MVB12B: variants seen among roughly 807,000 people sequenced by gnomAD.
MVB12B encodes the protein ESCRT-I complex subunit MVB12B.
MVB12B carries 16 observed loss-of-function variants against 41.6 expected under a neutral mutation model. The ratio of observed to expected loss-of-function variants is 0.38; its 90% confidence interval spans 0.26 to 0.58. The LOEUF is 0.58. MVB12B is among the 20% of genes least tolerant of loss of function. MVB12B has a pLI of 0.62. For synonymous variants in MVB12B, 133 were observed against 139.7 expected (o/e 0.95, Z 0.34); for missense variants, 274 against 380.2 (o/e 0.72, Z 2.32).
chr9:126,450,131 G>A (rs1021079080), intron 7 of MVB12B, among the ~76,000 whole-genome samples: 6 of 152,210 alleles, frequency 3.9e-5, no homozygotes, highest in African/African-American at 9.7e-5. Flanking sequence ...GTCTGGTCTC[G>A]CCTATGCCCA....
intron 2 of MVB12B, among the ~76,000 whole-genome samples, chr9:126,374,874 T>G (rs1830437077): frequency 6.6e-6 from 1 of 152,242 alleles, no homozygotes. Context: ...CCCAGCTCTC[T>G]TTCAAAGTTA....
chr9:126,340,418 C>T lies in MVB12B; in HGVS notation c.82-90C>T, dbSNP rs1321882861. 7.4e-6 allele frequency: 11 copies of T among 1,487,994 alleles called. No individual in the cohort carries two copies. Among genetic ancestry groups the T allele is most frequent in the East Asian group, 2.3e-5 (1 of 42,956 alleles). The allele number at this position is 1,487,994 out of a possible 1,614,324, so 92.2% of individuals were successfully genotyped here. On this transcript the variant is annotated intron_variant, in intron 1 of 9. Transcript: ENST00000361171. The surrounding 1 kb of genome is among the most constrained non-coding windows in gnomAD (Gnocchi z 4.0). ...GGTATGTGAAACTCAGGGTATTTGCCCCAAGATTCTGGTTCTGTTTGAGAC... is the reference window on the plus strand; with the variant it reads ...GGTATGTGAAACTCAGGGTATTTGCTCCAAGATTCTGGTTCTGTTTGAGAC...
intron 9 of MVB12B, among the ~76,000 whole-genome samples, chr9:126,496,865 C>T (rs368780835): frequency 9.9e-5 from 15 of 152,016 alleles, no homozygotes; most frequent in Admixed American, 7.2e-4. Context: ...AAGGTGAGGG[C>T]GCTCTCCAGG....
intron 7 of MVB12B, among the ~76,000 whole-genome samples, chr9:126,451,609 C>T (rs111509026): frequency 1.3e-4 from 20 of 152,170 alleles, no homozygotes; most frequent in East Asian, 9.7e-4. Flanking sequence ...TCAAACCCAC[C>T]GGGACAGGGG....
chr9:126,424,027 A>T (rs931898075), intron 7 of MVB12B, among the ~76,000 whole-genome samples: 2 of 152,202 alleles, frequency 1.3e-5, no homozygotes, highest in African/African-American at 2.4e-5. Context: ...TGGCCCTGGC[A>T]CAGGTTCACT....
intron 2 of MVB12B, among the ~76,000 whole-genome samples, chr9:126,380,560 A>G (rs1263849161): frequency 6.6e-6 from 1 of 152,020 alleles, no homozygotes; most frequent in African/African-American, 2.4e-5. Flanking sequence ...GTGGAGTGAA[A>G]TGTTTCTGAC....
chr9:126,385,028 G>A (rs903045145), intron 3 of MVB12B, among the ~76,000 whole-genome samples: 6 of 151,582 alleles, frequency 4.0e-5, no homozygotes, highest in Non-Finnish European at 1.5e-5. Context: ...GTAGAGATGG[G>A]GTTTCGCCAT....
At chr9:126,489,309 C>G (rs1833683329) in intron 9 of MVB12B, among the ~76,000 whole-genome samples, 1 of 152,226 alleles carries the variant, frequency 6.6e-6, no homozygotes, top group Non-Finnish European at 1.5e-5. Context: ...CCCCCTCACC[C>G]CAAAGTGGAA....
intron 7 of MVB12B, among the ~76,000 whole-genome samples, chr9:126,463,538 C>T (rs1371297743): frequency 6.6e-6 from 1 of 152,220 alleles, no homozygotes; most frequent in Non-Finnish European, 1.5e-5. Context: ...TGCCGACACT[C>T]TGTGGCAGGT....
chr9:126,504,024 A>C lies in MVB12B; in HGVS notation c.*761A>C, dbSNP rs1178462735. ...TCCCCCAAGGGCTCATCTGTGCAACAACCACATGCCAACAATAGCTCCAGG... is the reference window on the plus strand; with the variant it reads ...TCCCCCAAGGGCTCATCTGTGCAACCACCACATGCCAACAATAGCTCCAGG... On this transcript the variant is annotated 3_prime_UTR_variant, in exon 10 of 10. Transcript: ENST00000361171. 2.6e-5 allele frequency: 4 copies of C among 152,432 alleles called. No individual in the cohort carries two copies. The highest frequency in any genetic ancestry group is 9.7e-5 in the African/African-American group (4 of 41,442). 9.4% of individuals were successfully genotyped at this position (152,432 alleles called of 1,614,324 possible).
At chr9:126,472,739 G>A (rs920066885) in intron 7 of MVB12B, among the ~76,000 whole-genome samples, 2 of 152,132 alleles carry the variant, frequency 1.3e-5, no homozygotes, top group African/African-American at 4.8e-5. Flanking sequence ...TGGGATTACA[G>A]CATTAATAAC....
chr9:126,447,730 G>GAT (rs1832808794), intron 7 of MVB12B, among the ~76,000 whole-genome samples: 1 of 152,096 alleles, frequency 6.6e-6, no homozygotes, highest in Non-Finnish European at 1.5e-5. Context: ...CCCCCATATA[G>GAT]ATATATACAT....
At chr9:126,398,485 T>A (rs1831180912) in intron 6 of MVB12B, among the ~76,000 whole-genome samples, 1 of 152,200 alleles carries the variant, frequency 6.6e-6, no homozygotes, top group Non-Finnish European at 1.5e-5. Flanking sequence ...TTTTGTTATA[T>A]TTCCCTCAAG....
At chr9:126,491,998 T>C (rs1458398256) in intron 9 of MVB12B, among the ~76,000 whole-genome samples, 1 of 151,912 alleles carries the variant, frequency 6.6e-6, no homozygotes, top group Non-Finnish European at 1.5e-5. Flanking sequence ...CCGATCAAAA[T>C]TGATTTTTTA....
At chr9:126,414,737 T>G (rs1330028279) in intron 6 of MVB12B, among the ~76,000 whole-genome samples, 1 of 152,060 alleles carries the variant, frequency 6.6e-6, no homozygotes, top group Non-Finnish European at 1.5e-5. Flanking sequence ...TACAGAGTGG[T>G]CAACTTCGGG....
At position 126,478,592 on chromosome 9, in the gene MVB12B, G is replaced by T. The variant is rs1833465102; in HGVS notation, c.758-2777G>T. On this transcript the variant is annotated intron_variant, in intron 7 of 9. Coordinates refer to ENST00000361171, the MANE Select transcript of MVB12B (RefSeq NM_033446.3). The surrounding 1 kb of genome is among the most constrained non-coding windows in gnomAD (Gnocchi z 4.2). Reference sequence around the variant, plus strand: ...AAGCATAGAGGGAGGGAAGGGATGGGTAAGCCGGGAAGAGGGTCAGGTGCA... The same window carrying T: ...AAGCATAGAGGGAGGGAAGGGATGGTTAAGCCGGGAAGAGGGTCAGGTGCA... Among the ~76,000 whole-genome samples, 1 of 152,204 alleles carries T rather than the reference G, an allele frequency of 6.6e-6. No homozygotes were observed. Among genetic ancestry groups the T allele is most frequent in the African/African-American group, 2.4e-5 (1 of 41,450 alleles).
At chr9:126,431,897 C>T (rs540819059) in intron 7 of MVB12B, among the ~76,000 whole-genome samples, 1 of 152,286 alleles carries the variant, frequency 6.6e-6, no homozygotes, top group African/African-American at 2.4e-5. Flanking sequence ...TAGGTCGGCT[C>T]ATTCTTATGG....
intron 7 of MVB12B, among the ~76,000 whole-genome samples, chr9:126,476,485 G>A (rs1833422171): frequency 6.6e-6 from 1 of 152,200 alleles, no homozygotes; most frequent in Non-Finnish European, 1.5e-5. Flanking sequence ...GCTAAGGGAG[G>A]GCCTTGTCCT....
intron 9 of MVB12B, among the ~76,000 whole-genome samples, chr9:126,498,633 G>A (rs1024021788): frequency 3.3e-5 from 5 of 152,152 alleles, no homozygotes; most frequent in Non-Finnish European, 7.3e-5. Flanking sequence ...TGCCCCCTGC[G>A]CCTCTCTGGG....
Sources: gnomAD v4.1 joint callset for allele counts (sites outside exome capture counted in the v4.1 genomes callset) on GRCh38, gnomAD v4.1.1 for gene constraint, Gnocchi (gnomAD v3.1) non-coding constraint, MANE v1.5 for transcripts, NCBI Gene and HGNC (gene_info 2026-07-23, HGNC 2026-07-21) for gene names.